FAM53A: variants seen among roughly 807,000 people sequenced by gnomAD.
FAM53A encodes the protein family with sequence similarity 53 member A.
FAM53A carries 28 observed loss-of-function variants against 26.6 expected under a neutral mutation model. The ratio of observed to expected loss-of-function variants is 1.05; its 90% CI spans 0.78 to 1.45. The LOEUF is 1.45. Ranked by LOEUF, FAM53A falls within the 40% of genes most tolerant of loss-of-function variation. The pLI is 0.00. For synonymous variants in FAM53A, 290 were observed against 253.1 expected, an observed-to-expected ratio of 1.15 and a Z score of -1.38; for missense variants, 650 against 575.8, an observed-to-expected ratio of 1.13 and a Z score of -1.32.
chr4:1,618,107 G>A, exon 2 of FAM53A: 1 of 456,390 alleles, frequency 2.2e-6, no homozygotes, highest in Non-Finnish European at 4.4e-6. Context: ...AGTCCGTGAG[G>A]CAACCTGGAA....
Position 1,641,579 on chromosome 4 carries a change from G to A in FAM53A, c.911C>T (p.Ser304Phe), listed in dbSNP as rs774499895. Residue 304 changes from serine (S) to phenylalanine (F), a missense_variant, in exon 5 of 5, where the codon TCC becomes TTC. Physicochemically the swap from Ser to Phe is radical, Grantham distance 155. Coordinates refer to ENST00000308132, the MANE Select transcript of FAM53A (RefSeq NM_001174070.3). The stretch of plus-strand genomic sequence containing the variant: ...CTCATCGTCATCTTCGTAATTGAGG[G>A]AGCAAAGGCTTTTTGAATTTTTTAA... ...QTLKNSKSLC[S>F]LNYEDDDEDD... 4.3e-6 allele frequency: 7 copies of A among 1,614,148 alleles called. No individual in the cohort carries two copies. In the South Asian group the frequency reaches 7.7e-5, roughly 18 times the overall value.
intron 4 of FAM53A, among the ~76,000 whole-genome samples, chr4:1,652,378 A>G (rs1712920952): frequency 7.1e-6 from 1 of 141,110 alleles, no homozygotes; most frequent in African/African-American, 2.7e-5. Context: ...CACACACAAC[A>G]CACATCACAT....
chr4:1,648,639 A>T (rs1297888003), intron 4 of FAM53A, among the ~76,000 whole-genome samples: 1 of 152,202 alleles, frequency 6.6e-6, no homozygotes, highest in Non-Finnish European at 1.5e-5. Context: ...CTCGTGAGCA[A>T]GCAGACCAAA....
downstream of FAM53A, among the ~76,000 whole-genome samples, chr4:1,635,047 C>G (rs1257821316): frequency 6.6e-6 from 1 of 152,178 alleles, no homozygotes; most frequent in Non-Finnish European, 1.5e-5. Context: ...GCAATTTTTT[C>G]CAGGAATTTG....
chr4:1,576,467 C>T, the FAM53A span, among the ~76,000 whole-genome samples: 389 of 152,332 alleles, frequency 2.6e-3, 1 homozygote, highest in African/African-American at 9.0e-3. Context: ...TCCCAATTTA[C>T]GGGGCCGCGC....
intron 1 of FAM53A, among the ~76,000 whole-genome samples, chr4:1,676,483 G>A (rs1462243719): frequency 3.3e-5 from 5 of 152,036 alleles, no homozygotes; most frequent in Non-Finnish European, 5.9e-5. Flanking sequence ...TGTTGGGGCC[G>A]GACCTCACTC....
chr4:1,637,470 A>G (rs917812373), downstream of FAM53A, among the ~76,000 whole-genome samples: 1 of 152,116 alleles, frequency 6.6e-6, no homozygotes, highest in Non-Finnish European at 1.5e-5. Context: ...AGGAGAAGAC[A>G]TAGGTGTGGA....
downstream of FAM53A, among the ~76,000 whole-genome samples, chr4:1,639,092 G>C (rs892963788): frequency 5.3e-5 from 8 of 152,178 alleles, no homozygotes; most frequent in Admixed American, 2.6e-4. Flanking sequence ...AGAGGGCCCT[G>C]TGGGACCCTG....
At chr4:1,587,027 T>G in the FAM53A span, among the ~76,000 whole-genome samples, 1 of 152,236 alleles carries the variant, frequency 6.6e-6, no homozygotes, top group East Asian at 1.9e-4. Context: ...GTTGGCCATT[T>G]GTGTGTCTTC....
chr4:1,587,067 C>T, the FAM53A span, among the ~76,000 whole-genome samples: 7 of 152,270 alleles, frequency 4.6e-5, no homozygotes, highest in African/African-American at 1.7e-4. Context: ...AGGTCCTTTG[C>T]CAATTTTTCA....
At chr4:1,653,483 T>A (rs1713058875) in intron 4 of FAM53A, among the ~76,000 whole-genome samples, 1 of 152,026 alleles carries the variant, frequency 6.6e-6, no homozygotes, top group African/African-American at 2.4e-5. Context: ...TCTGCTCCCA[T>A]CCCTCCTGGT....
intron 2 of FAM53A, among the ~76,000 whole-genome samples, chr4:1,658,696 G>T (rs890376571): frequency 6.6e-6 from 1 of 152,254 alleles, no homozygotes; most frequent in Non-Finnish European, 1.5e-5. Flanking sequence ...GAGCTGCTTG[G>T]CAGGTCACGG....
At chr4:1,655,845 G>C (rs925986901) in intron 3 of FAM53A, 122 bp from the exon 4 acceptor site, 65 of 1,209,628 alleles carry the variant, frequency 5.4e-5, no homozygotes, top group Non-Finnish European at 6.5e-5. Context: ...CGCCACCCCT[G>C]GGCGTGCTTC....
the FAM53A span, among the ~76,000 whole-genome samples, chr4:1,577,244 T>G: frequency 6.6e-6 from 1 of 152,174 alleles, no homozygotes; most frequent in African/African-American, 2.4e-5. Flanking sequence ...GAGGGGACCA[T>G]GTGCCAGACG....
At chr4:1,585,276 C>CTTTTTTT in the FAM53A span, among the ~76,000 whole-genome samples, 1 of 75,962 alleles carries the variant, frequency 1.3e-5, no homozygotes, top group Non-Finnish European at 2.7e-5. Flanking sequence ...CTCTCTCTCT[C>CTTTTTTT]TTTTTTTTTT....
chr4:1,672,484 A>G (rs1714753412), intron 1 of FAM53A, among the ~76,000 whole-genome samples: 1 of 152,166 alleles, frequency 6.6e-6, no homozygotes, highest in African/African-American at 2.4e-5. Flanking sequence ...GAGTGCAGAG[A>G]GAATGAGGGA....
At chr4:1,624,276 G>A (rs1715183081) in intron 1 of FAM53A, among the ~76,000 whole-genome samples, 1 of 152,226 alleles carries the variant, frequency 6.6e-6, no homozygotes, top group East Asian at 1.9e-4. Context: ...CGGCAGGCAG[G>A]GTGGGGCTGG....
At chr4:1,583,672 C>T in the FAM53A span, among the ~76,000 whole-genome samples, 15 of 152,222 alleles carry the variant, frequency 9.9e-5, 1 homozygote, top group South Asian at 4.1e-4. Context: ...TGCTGTGCTC[C>T]GCCTGATACC....
Position 1,655,205 on chromosome 4 carries a change from T to C in FAM53A, c.655A>G (p.Arg219Gly), listed in dbSNP as rs772268744. ...TCCTGTGAGAGGGACGGGCGGCGCC[T>C]CGTGGAGGGCAAGCAGGACTCCGCG... ...CSAESCLPSTRRRPSLSQERL... is the reference protein window; with the variant it reads ...CSAESCLPSTGRRPSLSQERL... The change falls in exon 4 of 5, where the codon AGG (arginine) becomes GGG (glycine). Residue 219 changes from arginine (R) to glycine (G), a missense_variant. Arg to Gly is a moderately radical substitution (Grantham distance 125). Transcript: ENST00000308132. 3.9e-6 allele frequency: 6 copies of C among 1,556,146 alleles called. No individual in the cohort carries two copies. The highest frequency in any genetic ancestry group is 5.2e-6 in the Non-Finnish European group (6 of 1,159,970).
Sources: allele counts gnomAD v4.1 joint callset (sites outside exome capture counted in the v4.1 genomes callset), GRCh38; gene constraint gnomAD v4.1.1; transcripts MANE v1.5; gene names NCBI Gene and HGNC (gene_info 2026-07-23, HGNC 2026-07-21).